LONP1: variants seen among roughly 807,000 people sequenced by gnomAD.
The protein encoded by LONP1 is lon protease homolog, mitochondrial.
In LONP1, 31 loss-of-function variants were observed where a neutral mutation model predicts 98.5. The ratio of observed to expected loss-of-function variants is 0.31; its 90% confidence interval spans 0.24 to 0.42. LONP1 has a LOEUF of 0.42. Among genes scored for constraint, LONP1 ranks in the 20% least tolerant of loss-of-function variants. The pLI is 1.00. For synonymous variants in LONP1, 781 were observed against 594.7 expected (o/e 1.31, Z -4.56); for missense variants, 1,336 against 1,350.6 (o/e 0.99, Z 0.17).
rs1240151785 is a variant in LONP1, at chr19:5,714,256, ACTT to A, written c.442_444del (p.Lys148del). On this transcript the variant is annotated inframe_deletion, in exon 2 of 18. Coordinates refer to ENST00000360614, the MANE Select transcript of LONP1 (RefSeq NM_004793.4). ...ACTTTCCTTCTCAGCAGCTCAACCAACTTCTTATTTTTAACCTAGCATGACAAT... is the reference window on the plus strand; with the variant it reads ...ACTTTCCTTCTCAGCAGCTCAACCAACTTATTTTTAACCTAGCATGACAAT... 1 of 1,613,574 alleles carries A rather than the reference ACTT, an allele frequency of 6.2e-7. No individual in the cohort carries two copies.
chr19:5,702,241 G>C (rs1418533155), intron 8 of LONP1, among the ~76,000 whole-genome samples: 1 of 109,154 alleles, frequency 9.2e-6, no homozygotes, highest in Non-Finnish European at 2.3e-5. Context: ...CGCCCCGTCT[G>C]GGAGGGAGGT....
At chr19:5,694,066 CCCCTCCCGCACCATCCCCTTTG>C (rs1340561834) in intron 15 of LONP1, among the ~76,000 whole-genome samples, 4 of 152,344 alleles carry the variant, frequency 2.6e-5, no homozygotes, top group Middle Eastern at 3.4e-3. Context: ...CCTTCTCCAG[CCCCTCCCGCACCATCCCCTTTG>C]CCCTCTCGCC....
chr19:5,714,310 A>ATTT, intron 1 of LONP1, 39 bp from the exon 2 acceptor site: 1 of 1,360,398 alleles, frequency 7.4e-7, no homozygotes, highest in Non-Finnish European at 1.0e-6. Context: ...TGCAGAGTAG[A>ATTT]TTTTTTTTTT....
chr19:5,694,601 T>C (rs1300772430), intron 14 of LONP1, 49 bp from the exon 15 acceptor site: 1 of 1,478,498 alleles, frequency 6.8e-7, no homozygotes, highest in Non-Finnish European at 9.2e-7. Context: ...GGGTGACAGG[T>C]GCGGGGTGGT....
At position 5,694,853 on chromosome 19, in the gene LONP1, T is replaced by C. The variant is rs929281465; in HGVS notation, c.2062A>G (p.Lys688Glu). 5 of 1,603,342 alleles carry C rather than the reference T, an allele frequency of 3.1e-6. No homozygotes were observed. The highest frequency in any genetic ancestry group is 3.4e-6 in the Non-Finnish European group (4 of 1,172,176). The change falls in exon 14 of 18, where the codon AAG becomes GAG. Residue 688 changes from lysine to glutamate, a missense_variant. By Grantham distance (56) the Lys-to-Glu change is moderately conservative (BLOSUM62 1). Coordinates refer to ENST00000360614, the MANE Select transcript of LONP1 (RefSeq NM_004793.4). ...AGCACGTCCGATGACAGCTTGGCCT[T>C]GCTCTCATCCAAGCCACACAGGGCG... ...ARALCGLDES[K>E]AKLSSDVLTL...
rs751799454 is a variant in LONP1 at position 5,692,102 on chromosome 19, T to C, written c.2810A>G (p.Glu937Gly). 6.2e-7 allele frequency: 1 copy of C among 1,603,664 alleles called. No individual in the cohort carries two copies. The highest frequency in any genetic ancestry group is 8.5e-7 in the Non-Finnish European group (1 of 1,173,288). Residue 937 changes from glutamate (E) to glycine (G), a missense_variant, in exon 18 of 18, where the codon GAA becomes GGA. Coordinates refer to ENST00000360614, the MANE Select transcript of LONP1 (RefSeq NM_004793.4). Reference sequence around the variant, plus strand: ...GATGTCGAAGATCTCCCGGTAGTGTTCCACGAAGTGCACCTCCAGGCCCTC... The same window carrying C: ...GATGTCGAAGATCTCCCGGTAGTGTCCCACGAAGTGCACCTCCAGGCCCTC... ...ITEGLEVHFV[E>G]HYREIFDIAF...
chr19:5,705,501 G>A (rs963558082), intron 8 of LONP1, among the ~76,000 whole-genome samples: 2 of 149,974 alleles, frequency 1.3e-5, no homozygotes, highest in African/African-American at 2.4e-5. Context: ...AGAGCCAGGC[G>A]TCCCTGGGCT....
At chr19:5,706,056 C>CCTTCGTCTGG in intron 7 of LONP1, 64 bp from the exon 8 acceptor site, 1 of 1,094,914 alleles carries the variant, frequency 9.1e-7, no homozygotes, top group Non-Finnish European at 1.4e-6. Context: ...GGTGCGTCCC[C>CCTTCGTCTGG]AGACGAAGGG....
chr19:5,714,478 T>A (rs1029373799), intron 1 of LONP1, among the ~76,000 whole-genome samples: 1 of 151,872 alleles, frequency 6.6e-6, no homozygotes, highest in Non-Finnish European at 1.5e-5. Context: ...CTAATTTTTT[T>A]ATTTTTAGTA....
Position 5,692,119 on chromosome 19 carries a change from C to G in LONP1, c.2793G>C (p.Leu931=), listed in dbSNP as rs898926710. ...YDLAAFITEG[L]EVHFVEHYRE... ...GGTAGTGTTCCACGAAGTGCACCTC[C>G]AGGCCCTCGGTGATGAAGGCTGCCA... The change falls in exon 18 of 18, where the codon CTG becomes CTC. Residue 931 remains leucine (L), a synonymous_variant. Transcript: ENST00000360614. 2.5e-6 allele frequency: 4 copies of G among 1,606,798 alleles called. No individual in the cohort carries two copies. In the African/African-American group the frequency reaches 4.0e-5, roughly 16 times the overall value.
intron 1 of LONP1, among the ~76,000 whole-genome samples, chr19:5,716,207 A>G (rs1762192008): frequency 1.4e-5 from 2 of 139,700 alleles, no homozygotes; most frequent in African/African-American, 2.7e-5. Context: ...CCCCATCTCT[A>G]TTTTCTTTTT....
At chr19:5,694,638 C>CGGGCGCGGGGTGGTGGGGGGAT in intron 14 of LONP1, 86 bp from the exon 15 acceptor site, 2 of 1,522,928 alleles carry the variant, frequency 1.3e-6, no homozygotes, top group Non-Finnish European at 1.8e-6. Flanking sequence ...AAAGGTGTGA[C>CGGGCGCGGGGTGGTGGGGGGAT]GGGCGCGGGG....
intron 9 of LONP1, among the ~76,000 whole-genome samples, chr19:5,699,868 G>A (rs990501023): frequency 1.3e-5 from 2 of 151,984 alleles, no homozygotes; most frequent in South Asian, 2.1e-4. Context: ...TCTGACTCCT[G>A]TTTTTTAACC....
intron 4 of LONP1, among the ~76,000 whole-genome samples, chr19:5,710,021 T>G (rs1417043158): frequency 1.4e-4 from 21 of 151,096 alleles, no homozygotes; most frequent in Admixed American, 1.4e-3. Flanking sequence ...TGCAAGATTC[T>G]CACAGGGAAT....
chr19:5,710,397 T>A (rs1178971399), intron 4 of LONP1, among the ~76,000 whole-genome samples: 1 of 151,754 alleles, frequency 6.6e-6, no homozygotes, highest in Non-Finnish European at 1.5e-5. Flanking sequence ...GCCTGAATTT[T>A]TTTATTTTAA....
At chr19:5,692,870 A>C (rs2145575256) in intron 17 of LONP1, among the ~76,000 whole-genome samples, 1 of 152,276 alleles carries the variant, frequency 6.6e-6, no homozygotes, top group South Asian at 2.1e-4. Context: ...AGTGTGGTCC[A>C]GTCTGGGGAC....
chr19:5,707,228 T>C (rs1424005668), intron 6 of LONP1, 85 bp from the exon 7 acceptor site: 11 of 1,066,190 alleles, frequency 1.0e-5, no homozygotes, highest in Non-Finnish European at 1.4e-5. Context: ...ATGCGCACCC[T>C]GAGAGATGCT....
chr19:5,702,272 C>T (rs1171552173), intron 8 of LONP1, among the ~76,000 whole-genome samples: 1 of 139,972 alleles, frequency 7.1e-6, no homozygotes, highest in East Asian at 2.1e-4. Context: ...GTCAGCCCCC[C>T]ACCAGGCCAG....
chr19:5,715,590 C>T (rs1415678160), intron 1 of LONP1, among the ~76,000 whole-genome samples: 2 of 124,050 alleles, frequency 1.6e-5, no homozygotes, highest in East Asian at 2.6e-4. Context: ...TGCAGTGAGC[C>T]AAGATCACGC....
Sources: allele counts gnomAD v4.1 joint callset (sites outside exome capture counted in the v4.1 genomes callset), GRCh38; gene constraint gnomAD v4.1.1; transcripts MANE v1.5; gene names NCBI Gene and HGNC (gene_info 2026-07-23, HGNC 2026-07-21).